CYP2C19: variants seen among roughly 807,000 people sequenced by gnomAD.
CYP2C19 encodes cytochrome P450 2C19.
CYP2C19 carries 59 observed loss-of-function variants against 40.9 expected under a neutral mutation model. The observed-to-expected ratio is 1.44, with a 90% CI of 1.17 to 1.79. The LOEUF (loss-of-function observed/expected upper bound fraction) is 1.79. Among genes scored for constraint, CYP2C19 ranks in the 40% most tolerant of loss-of-function variants. The probability of loss-of-function intolerance (pLI) is 0.00; values close to 1 mark genes in which losing one functional copy is unlikely to be tolerated. For synonymous variants in CYP2C19, 253 were observed against 208.7 expected (o/e 1.21, Z -1.83); for missense variants, 754 against 596.9 (o/e 1.26, Z -2.74).
intron 7 of CYP2C19, among the ~76,000 whole-genome samples, chr10:94,847,426 T>C (rs11813865): frequency 1.3e-5 from 2 of 152,110 alleles, no homozygotes; most frequent in Non-Finnish European, 2.9e-5. Flanking sequence ...TTTATGGCTG[T>C]GTAGTATTCC....
intron 5 of CYP2C19, among the ~76,000 whole-genome samples, chr10:94,783,373 A>T (rs1848502673): frequency 6.6e-6 from 1 of 152,110 alleles, no homozygotes; most frequent in South Asian, 2.1e-4. Flanking sequence ...GGAATGCTTT[A>T]CATGGAGGTG....
chr10:94,834,187 T>C lies in CYP2C19; in HGVS notation c.962-8650T>C, dbSNP rs184347916. Among the ~76,000 whole-genome samples the C allele has an allele frequency of 4.6e-5, 7 of 152,302 alleles. No individual in the cohort carries two copies. The East Asian group carries it at 1.3e-3, about 29-fold the overall frequency. On this transcript the variant is annotated intron_variant, in intron 6 of 8. Coordinates refer to ENST00000371321, the MANE Select transcript of CYP2C19 (RefSeq NM_000769.4). The stretch of plus-strand genomic sequence containing the variant: ...CAGGTTTGATCTTGGTACTGGTCAT[T>C]GCATGTTCAGGTTTTGGATTTCTTC...
intron 5 of CYP2C19, among the ~76,000 whole-genome samples, chr10:94,802,698 G>T (rs1363021075): frequency 6.6e-6 from 1 of 151,972 alleles, no homozygotes; most frequent in African/African-American, 2.4e-5. Flanking sequence ...TTACAATTTG[G>T]TGTGTTTTTG....
intron 6 of CYP2C19, among the ~76,000 whole-genome samples, chr10:94,831,414 G>T (rs1304473583): frequency 6.6e-6 from 1 of 152,072 alleles, no homozygotes; most frequent in Non-Finnish European, 1.5e-5. Context: ...GTTGTTGGTA[G>T]TTTTATTTTT....
At chr10:94,809,124 A>C (rs1283845427) in intron 5 of CYP2C19, among the ~76,000 whole-genome samples, 1 of 152,154 alleles carries the variant, frequency 6.6e-6, no homozygotes. Context: ...GATATAAGCC[A>C]CTTTAACTGG....
At chr10:94,843,585 A>T (rs1043901150) in intron 7 of CYP2C19, among the ~76,000 whole-genome samples, 2 of 152,208 alleles carry the variant, frequency 1.3e-5, no homozygotes, top group African/African-American at 4.8e-5. Flanking sequence ...GTTGAAACAT[A>T]ATTAGTTTTT....
intron 5 of CYP2C19, among the ~76,000 whole-genome samples, chr10:94,816,212 G>A (rs1589365141): frequency 6.6e-6 from 1 of 151,496 alleles, no homozygotes; most frequent in South Asian, 2.1e-4. Context: ...TTGGTCTACA[G>A]CATCCACTAC....
chr10:94,817,719 C>T (rs971667838), intron 5 of CYP2C19, among the ~76,000 whole-genome samples: 19 of 152,010 alleles, frequency 1.2e-4, no homozygotes, highest in African/African-American at 3.6e-4. Context: ...TTAGGTCTAA[C>T]GTTTAAATCT....
intron 5 of CYP2C19, 118 bp from the exon 6 acceptor site, chr10:94,820,378 A>G: frequency 8.6e-7 from 1 of 1,161,566 alleles, no homozygotes; most frequent in Non-Finnish European, 1.2e-6. Context: ...ATTTTTTTCT[A>G]GTACTATACT....
intron 7 of CYP2C19, among the ~76,000 whole-genome samples, chr10:94,846,274 G>A (rs1283075284): frequency 1.3e-5 from 2 of 151,832 alleles, no homozygotes; most frequent in South Asian, 2.1e-4. Context: ...AATTTTCTTC[G>A]GGCTTGTTTT....
intron 5 of CYP2C19, among the ~76,000 whole-genome samples, chr10:94,808,122 A>G (rs536483292): frequency 3.4e-4 from 51 of 152,230 alleles, no homozygotes; most frequent in African/African-American, 1.2e-3. Context: ...TAATGAAAAG[A>G]CTGTTCTTTC....
At position 94,783,043 on chromosome 10, in the gene CYP2C19, G is replaced by T. The variant is rs116692189; in HGVS notation, c.819+1046G>T. ...TTCATAGGTGCAGGAGACCACCATG[G>T]CACGTGTGTACCTATTTAACAATCC... On this transcript the variant is annotated intron_variant, in intron 5 of 8. Transcript: ENST00000371321. Among the ~76,000 whole-genome samples, 712 of 152,132 alleles carry T rather than the reference G, an allele frequency of 4.7e-3. 3 individuals are homozygous for T. Among genetic ancestry groups the T allele is most frequent in the African/African-American group, 0.017 (686 of 41,532 alleles).
intron 8 of CYP2C19, among the ~76,000 whole-genome samples, chr10:94,851,111 A>C (rs1239029453): frequency 6.6e-6 from 1 of 152,146 alleles, no homozygotes; most frequent in African/African-American, 2.4e-5. Flanking sequence ...TGGGTAATTT[A>C]TGAAGAAAAG....
At chr10:94,851,416 G>A (rs1849651753) in intron 8 of CYP2C19, among the ~76,000 whole-genome samples, 2 of 150,608 alleles carry the variant, frequency 1.3e-5, no homozygotes, top group South Asian at 2.1e-4. Context: ...TTTGGGTAAG[G>A]ACACAGAGAC....
At chr10:94,802,879 AATT>A (rs1848785976) in intron 5 of CYP2C19, among the ~76,000 whole-genome samples, 2 of 152,064 alleles carry the variant, frequency 1.3e-5, no homozygotes, top group Admixed American at 6.6e-5. Context: ...CTGGGTTGAA[AATT>A]ATTATTTTTT....
At chr10:94,848,573 T>G (rs1849607019) in intron 7 of CYP2C19, among the ~76,000 whole-genome samples, 1 of 152,204 alleles carries the variant, frequency 6.6e-6, no homozygotes, top group Admixed American at 6.5e-5. Context: ...TCTTTTTTGG[T>G]TCCATATGAA....
intron 7 of CYP2C19, among the ~76,000 whole-genome samples, chr10:94,846,902 C>G (rs1367180930): frequency 6.6e-6 from 1 of 151,880 alleles, no homozygotes; most frequent in East Asian, 1.9e-4. Context: ...AACAAACAAA[C>G]TACATGGCAA....
At chr10:94,836,266 C>T (rs1170718784) in intron 6 of CYP2C19, among the ~76,000 whole-genome samples, 1 of 152,228 alleles carries the variant, frequency 6.6e-6, no homozygotes, top group Non-Finnish European at 1.5e-5. Flanking sequence ...ACTAAGCCTG[C>T]TACTGCTGCC....
At chr10:94,769,572 T>A (rs1848298748) in intron 1 of CYP2C19, among the ~76,000 whole-genome samples, 1 of 152,150 alleles carries the variant, frequency 6.6e-6, no homozygotes, top group Non-Finnish European at 1.5e-5. Flanking sequence ...GAGTATAAGA[T>A]CTTGCACTAG....
Sources: gnomAD v4.1 joint callset for allele counts (sites outside exome capture counted in the v4.1 genomes callset) on GRCh38, gnomAD v4.1.1 for gene constraint, MANE v1.5 for transcripts, NCBI Gene and HGNC (gene_info 2026-07-23, HGNC 2026-07-21) for gene names.